THOC5: variants seen among roughly 807,000 people sequenced by gnomAD.
THOC5 encodes THO complex subunit 5.
Under a neutral mutation model 92.9 loss-of-function variants are expected in THOC5, and 43 were observed. That is an observed-to-expected ratio of 0.46 (90% CI 0.36 to 0.60). THOC5 has a LOEUF of 0.60. Among genes scored for constraint, THOC5 ranks in the 20% least tolerant of loss-of-function variants. The pLI, the probability that THOC5 is intolerant of heterozygous loss-of-function variation, is 0.00. For synonymous variants in THOC5, 296 were observed against 320.1 expected (o/e 0.92, Z 0.80); for missense variants, 659 against 849.4 (o/e 0.78, Z 2.79).
chr22:29,529,362 G>A, intron 8 of THOC5, 123 bp from the exon 9 acceptor site: 6 of 995,958 alleles, frequency 6.0e-6, no homozygotes, highest in Non-Finnish European at 9.2e-6. Flanking sequence ...ACTAAGGGTG[G>A]AAGGGCAAAA....
Position 29,551,975 on chromosome 22 carries a change from C to T in THOC5, c.-12+1696G>A, listed in dbSNP as rs759369597. On this transcript the variant is annotated intron_variant, in intron 1 of 19. Transcript: ENST00000490103. ...TGGTTTTCGTATTTTTTGGTGGAGA[C>T]GGGGTTTCGCTGTGTTGGCCAGGCT... 5.5e-4 allele frequency among the ~76,000 whole-genome samples: 84 copies of T among 152,194 alleles called. 1 individual carries two copies. Among genetic ancestry groups the T allele is most frequent in the East Asian group, 1.4e-3 (7 of 5,164 alleles).
chr22:29,510,784 C>T (rs1447651934), intron 19 of THOC5, among the ~76,000 whole-genome samples: 1 of 152,120 alleles, frequency 6.6e-6, no homozygotes, highest in Non-Finnish European at 1.5e-5. Context: ...GGACAGTACC[C>T]TAGAAAGACC....
At chr22:29,509,030 T>C (rs891182240) in intron 19 of THOC5, among the ~76,000 whole-genome samples, 7 of 152,104 alleles carry the variant, frequency 4.6e-5, no homozygotes, top group African/African-American at 1.4e-4. Context: ...TCAGGTCTCT[T>C]GCTGCCCATG....
intron 5 of THOC5, among the ~76,000 whole-genome samples, chr22:29,541,249 C>T (rs999851378): frequency 6.6e-6 from 1 of 151,614 alleles, no homozygotes; most frequent in East Asian, 1.9e-4. Flanking sequence ...GTGGCTTACA[C>T]CTTTAATCTT....
chr22:29,528,736 G>A (rs1362701676), intron 9 of THOC5, among the ~76,000 whole-genome samples: 11 of 152,158 alleles, frequency 7.2e-5, no homozygotes, highest in Admixed American at 7.2e-4. Context: ...TGTGATGGTG[G>A]TGGTGGCTGT....
intron 7 of THOC5, among the ~76,000 whole-genome samples, chr22:29,532,491 C>T (rs1370398637): frequency 2.7e-5 from 4 of 150,784 alleles, no homozygotes; most frequent in Non-Finnish European, 5.9e-5. Flanking sequence ...CAGAGAACCC[C>T]GTCTCTACTA....
At chr22:29,546,365 T>A (rs1408199203) in intron 2 of THOC5, among the ~76,000 whole-genome samples, 2 of 152,196 alleles carry the variant, frequency 1.3e-5, no homozygotes, top group Non-Finnish European at 2.9e-5. Flanking sequence ...TTGCTACTTA[T>A]GCAAATTTCT....
chr22:29,534,198 T>G (rs560573531), intron 7 of THOC5, among the ~76,000 whole-genome samples: 2 of 152,200 alleles, frequency 1.3e-5, no homozygotes, highest in Non-Finnish European at 2.9e-5. Context: ...ACTATGATTC[T>G]CTTTGTATAG....
At position 29,520,058 on chromosome 22, in the gene THOC5, A is replaced by T. The variant is rs151070468; in HGVS notation, c.1324T>A (p.Leu442Met). The part of the protein sequence containing the change: ...DYVLELGHPY[L>M]WVQKLGGLHF... ...AGGCCACCCAGCTTCTGCACCCACAAATAGGGGTGACCTAGCTCAAGTACA... is the reference window on the plus strand; with the variant it reads ...AGGCCACCCAGCTTCTGCACCCACATATAGGGGTGACCTAGCTCAAGTACA... Residue 442 changes from leucine (L) to methionine (M), a missense_variant, in exon 14 of 20, where the codon TTG (leucine) becomes ATG (methionine). Coordinates refer to ENST00000490103, the MANE Select transcript of THOC5 (RefSeq NM_003678.5). 189 of 1,613,796 alleles carry T rather than the reference A, an allele frequency of 1.2e-4. No individual in the cohort carries two copies. Among genetic ancestry groups the T allele is most frequent in the Non-Finnish European group, 1.5e-4 (172 of 1,179,928 alleles).
At chr22:29,516,406 TACAG>T (rs1287757240) in intron 17 of THOC5, among the ~76,000 whole-genome samples, 1 of 152,156 alleles carries the variant, frequency 6.6e-6, no homozygotes, top group African/African-American at 2.4e-5. Flanking sequence ...GTCTTAGAAC[TACAG>T]ACAACTTCCT....
intron 17 of THOC5, 133 bp downstream of exon 17, chr22:29,516,896 G>A (rs12161054): frequency 0.26 from 197,391 of 772,240 alleles, 26,495 homozygotes; most frequent in East Asian, 0.29. Context: ...TTGCTGAACA[G>A]GCTCTCACGA....
intron 1 of THOC5, among the ~76,000 whole-genome samples, chr22:29,550,252 C>T (rs765238377): frequency 6.6e-6 from 1 of 152,026 alleles, no homozygotes; most frequent in Non-Finnish European, 1.5e-5. Flanking sequence ...CAAGTAATTG[C>T]GAGTCACATG....
At chr22:29,539,524 C>T (rs1375473917) in intron 5 of THOC5, 48 bp from the exon 6 acceptor site, 9 of 1,590,612 alleles carry the variant, frequency 5.7e-6, no homozygotes, top group Admixed American at 1.7e-5. Flanking sequence ...GGAAACTAAA[C>T]TGTAGTTTAA....
chr22:29,507,981 T>G lies in THOC5; in HGVS notation c.*476A>C, dbSNP rs536537270. Reference sequence around the variant, plus strand: ...TAACATCCAACGATCAGAGACAATTTGTCCATCGGCAACCCTGACAGGACT... The same window carrying G: ...TAACATCCAACGATCAGAGACAATTGGTCCATCGGCAACCCTGACAGGACT... On this transcript the variant is annotated 3_prime_UTR_variant, in exon 20 of 20. Coordinates refer to ENST00000490103, the MANE Select transcript of THOC5 (RefSeq NM_003678.5). The G allele has an allele frequency of 1.1e-4, 18 of 161,974 alleles. No individual in the cohort carries two copies. The highest frequency in any genetic ancestry group is 3.0e-4 in the Admixed American group (5 of 16,592). The allele number at this position is 161,974 out of a possible 1,614,324, so 10.0% of individuals were successfully genotyped here.
chr22:29,540,225 T>G (rs1366324941), intron 5 of THOC5, among the ~76,000 whole-genome samples: 1 of 152,164 alleles, frequency 6.6e-6, no homozygotes, highest in African/African-American at 2.4e-5. Context: ...TGAGCCAGGA[T>G]TGCGCCATTG....
At chr22:29,526,477 A>T (rs1368357414) in intron 11 of THOC5, among the ~76,000 whole-genome samples, 1 of 152,050 alleles carries the variant, frequency 6.6e-6, no homozygotes, top group African/African-American at 2.4e-5. Flanking sequence ...GCTTGCAGTG[A>T]GCAGAGATCA....
At chr22:29,517,139 G>T in intron 16 of THOC5, 23 bp from the exon 17 acceptor site, 3 of 1,613,540 alleles carry the variant, frequency 1.9e-6, no homozygotes, top group Non-Finnish European at 2.5e-6. Context: ...CCACAGACAA[G>T]AGGTGAACTG....
chr22:29,535,925 T>G (rs1471782529), intron 7 of THOC5: 2 of 152,062 alleles, frequency 1.3e-5, no homozygotes, highest in Non-Finnish European at 2.9e-5. Context: ...TCCTCCCCCC[T>G]CAGCCACCCG....
chr22:29,517,438 T>C (rs1193434100), intron 15 of THOC5, 72 bp from the exon 16 acceptor site: 4 of 1,367,328 alleles, frequency 2.9e-6, no homozygotes, highest in East Asian at 2.4e-5. Flanking sequence ...AGCATCCTCC[T>C]GGGGCTCTCT....
Sources: allele counts gnomAD v4.1 joint callset (sites outside exome capture counted in the v4.1 genomes callset), GRCh38; gene constraint gnomAD v4.1.1; transcripts MANE v1.5; gene names NCBI Gene and HGNC (gene_info 2026-07-23, HGNC 2026-07-21).